Variants in TK2 observed in about 807,000 individuals in gnomAD.
TK2 encodes the protein thymidine kinase 2, mitochondrial.
A neutral mutation model predicts 41.9 loss-of-function variants in TK2; 35 were observed. The observed-to-expected ratio is 0.84, with a 90% CI of 0.64 to 1.11. The LOEUF is 1.11. Among genes scored for constraint, TK2 ranks in the 50% least tolerant of loss-of-function variants. TK2 has a pLI of 0.00. For missense variants in TK2, 320 were observed against 351.1 expected (o/e 0.91, Z 0.71); for synonymous variants, 128 against 129.1 (o/e 0.99, Z 0.06).
chr16:66,530,482 G>A (rs1232548317), intron 5 of TK2, among the ~76,000 whole-genome samples: 8 of 152,330 alleles, frequency 5.3e-5, no homozygotes, highest in Non-Finnish European at 7.4e-5. Context: ...CCCAACACCT[G>A]ATTGAACCAG....
In TK2 at chr16:66,550,078, C is replaced by A. The variant is rs1170921164; in HGVS notation, c.-17G>T. On this transcript the variant is annotated 5_prime_UTR_variant, in exon 1 of 10. Coordinates refer to ENST00000544898, the MANE Select transcript of TK2 (RefSeq NM_004614.5). Reference sequence around the variant, plus strand: ...CAGCAGCATAGCCGGGCGAGCGGATCCAGAGGCCCGGGGTTCCTTCTTGTG... The same window carrying A: ...CAGCAGCATAGCCGGGCGAGCGGATACAGAGGCCCGGGGTTCCTTCTTGTG... 2.5e-6 allele frequency: 4 copies of A among 1,597,812 alleles called. No homozygotes were observed. The highest frequency in any genetic ancestry group is 3.4e-6 in the Non-Finnish European group (4 of 1,173,664).
chr16:66,520,447 C>T (rs535953781), intron 6 of TK2, among the ~76,000 whole-genome samples: 2 of 152,266 alleles, frequency 1.3e-5, no homozygotes, highest in South Asian at 2.1e-4. Context: ...TCCAGCAATG[C>T]GTTCAGGAAG....
At chr16:66,532,305 A>C (rs1190310336) in intron 4 of TK2, among the ~76,000 whole-genome samples, 1 of 152,202 alleles carries the variant, frequency 6.6e-6, no homozygotes, top group Non-Finnish European at 1.5e-5. Flanking sequence ...GCGATGCTAC[A>C]AAGAATATAA....
chr16:66,513,994 A>T, intron 8 of TK2, 183 bp from the exon 9 acceptor site: 1 of 680,332 alleles, frequency 1.5e-6, no homozygotes, highest in Non-Finnish European at 2.7e-6. Flanking sequence ...CTCGGTGGCC[A>T]GGCTGAGCAA....
Position 66,511,686 on chromosome 16 carries a change from C to T in TK2, c.*282G>A. 1 of 510,402 alleles carries T rather than the reference C, an allele frequency of 2.0e-6. No individual in the cohort carries two copies. Among genetic ancestry groups the T allele is most frequent in the African/African-American group, 1.9e-5 (1 of 51,920 alleles). 31.6% of individuals were successfully genotyped at this position (510,402 alleles called of 1,614,324 possible). On this transcript the variant is annotated 3_prime_UTR_variant, in exon 10 of 10. Coordinates refer to ENST00000544898, the MANE Select transcript of TK2 (RefSeq NM_004614.5). ...CAACAGGTGCTCTCCCTAAGGGCTT[C>T]ATGAGAGCGACTCAGCAGCACAAAG...
intron 8 of TK2, among the ~76,000 whole-genome samples, chr16:66,515,618 T>C (rs773090902): frequency 1.3e-5 from 2 of 152,224 alleles, no homozygotes; most frequent in Non-Finnish European, 2.9e-5. Flanking sequence ...GCCAGATGTG[T>C]CCCATGGACC....
chr16:66,531,559 A>G (rs1965114290), intron 4 of TK2, 90 bp from the exon 5 acceptor site: 1 of 1,250,044 alleles, frequency 8.0e-7, no homozygotes. Flanking sequence ...AGCTCAAGAA[A>G]CCTACACAGG....
chr16:66,517,135 C>A lies in TK2; in HGVS notation c.618+1G>T. The A allele has an allele frequency of 6.2e-7, 1 of 1,614,066 alleles. No homozygotes were observed. Among genetic ancestry groups the A allele is most frequent in the Non-Finnish European group, 8.5e-7 (1 of 1,179,964 alleles). On this transcript the variant is annotated splice_donor_variant, in intron 8 of 9. Transcript: ENST00000544898. LOFTEE classifies it high-confidence loss of function. This position sits in a 1 kb window ranked among gnomAD's most constrained non-coding sequence, Gnocchi z 4.3. The stretch of plus-strand genomic sequence containing the variant: ...TTAACCAAGTCAAAGAGGCCTCTTA[C>A]CAGCGGAATGACCTTCTCCTCTTCC...
intron 3 of TK2, among the ~76,000 whole-genome samples, chr16:66,537,273 G>A (rs1197225015): frequency 6.6e-6 from 1 of 152,168 alleles, no homozygotes; most frequent in Non-Finnish European, 1.5e-5. Context: ...GCCAAGCATA[G>A]GTACATCCTA....
intron 3 of TK2, among the ~76,000 whole-genome samples, chr16:66,541,080 A>AT (rs1965442613): frequency 6.6e-6 from 1 of 152,144 alleles, no homozygotes; most frequent in South Asian, 2.1e-4. Flanking sequence ...CTTAACACAA[A>AT]CTTGTTTCAT....
chr16:66,528,352 C>T (rs920900964), intron 6 of TK2, among the ~76,000 whole-genome samples: 1 of 152,200 alleles, frequency 6.6e-6, no homozygotes, highest in Non-Finnish European at 1.5e-5. Flanking sequence ...AAGCCCCTAA[C>T]TAGGTATACA....
chr16:66,513,691 T>C, intron 9 of TK2, 40 bp downstream of exon 9: 1 of 1,591,546 alleles, frequency 6.3e-7, no homozygotes, highest in African/African-American at 1.3e-5. Context: ...CACTCCTCTT[T>C]CTAGAACAGT....
At chr16:66,547,647 T>C (rs1442295691) in intron 2 of TK2, among the ~76,000 whole-genome samples, 4 of 151,582 alleles carry the variant, frequency 2.6e-5, no homozygotes, top group Admixed American at 6.6e-5. Context: ...TCCACCATTC[T>C]CCTAGTTACT....
intron 2 of TK2, among the ~76,000 whole-genome samples, chr16:66,545,839 AAAATGTGCT>A (rs1282490435): frequency 6.6e-6 from 1 of 152,086 alleles, no homozygotes; most frequent in African/African-American, 2.4e-5. Flanking sequence ...AGAAAAAAAA[AAAATGTGCT>A]AAGTGAAAGA....
rs1032925970 is a variant in TK2 at position 66,514,465 on chromosome 16, G to A, written c.619-654C>T. On this transcript the variant is annotated intron_variant, in intron 8 of 9. Transcript: ENST00000544898. The surrounding 1 kb of genome is among the most constrained non-coding windows in gnomAD (Gnocchi z 4.2). ...GAGTGCAGTGGCGTGATCTCGGCTC[G>A]CTACAACCTCCACCTCCCAGCCGCC... Among the ~76,000 whole-genome samples the A allele has an allele frequency of 2.0e-5, 3 of 152,130 alleles. No individual in the cohort carries two copies. Among genetic ancestry groups the A allele is most frequent in the South Asian group, 2.1e-4 (1 of 4,826 alleles).
intron 6 of TK2, among the ~76,000 whole-genome samples, chr16:66,527,431 A>AG (rs1400079538): frequency 6.6e-6 from 1 of 152,052 alleles, no homozygotes; most frequent in Non-Finnish European, 1.5e-5. Flanking sequence ...ACAGTGGGGG[A>AG]CCAGAGCCTG....
intron 4 of TK2, among the ~76,000 whole-genome samples, chr16:66,535,676 G>C (rs906000643): frequency 3.3e-5 from 5 of 152,358 alleles, no homozygotes; most frequent in African/African-American, 1.2e-4. Context: ...AGGGGCAGGA[G>C]AGCAAGGGCT....
chr16:66,540,000 G>A (rs1965407577), intron 3 of TK2, among the ~76,000 whole-genome samples: 1 of 152,138 alleles, frequency 6.6e-6, no homozygotes, highest in African/African-American at 2.4e-5. Flanking sequence ...GTTCCCAGAT[G>A]CCAGCCAAAG....
chr16:66,536,247 C>T (rs1965276486), intron 4 of TK2, among the ~76,000 whole-genome samples: 1 of 151,386 alleles, frequency 6.6e-6, no homozygotes, highest in Non-Finnish European at 1.5e-5. Context: ...GCTTCCAAGT[C>T]CATTTACTAG....
Sources: gnomAD v4.1 joint callset for allele counts (sites outside exome capture counted in the v4.1 genomes callset) on GRCh38, gnomAD v4.1.1 for gene constraint, Gnocchi (gnomAD v3.1) non-coding constraint, MANE v1.5 for transcripts, NCBI Gene and HGNC (gene_info 2026-07-23, HGNC 2026-07-21) for gene names.